The following GPR158 variants were observed in gnomAD, a reference collection of about 807,000 sequenced individuals.
The protein encoded by GPR158 is metabotropic glycine receptor.
GPR158 carries 30 observed loss-of-function variants against 78.2 expected under a neutral mutation model. That is an observed-to-expected ratio of 0.38 (90% CI 0.29 to 0.52). The LOEUF (loss-of-function observed/expected upper bound fraction) is 0.52. Ranked by LOEUF, GPR158 falls within the 20% of genes least tolerant of loss-of-function variation. The pLI, the probability that GPR158 is intolerant of heterozygous loss-of-function variation, is 0.83. For missense variants in GPR158, 1,463 were observed against 1,523.5 expected, an observed-to-expected ratio of 0.96 and a Z score of 0.66; for synonymous variants, 581 against 591.1, an observed-to-expected ratio of 0.98 and a Z score of 0.25.
At chr10:25,301,627 G>T (rs1420529655) in intron 2 of GPR158, among the ~76,000 whole-genome samples, 4 of 150,000 alleles carry the variant, frequency 2.7e-5, no homozygotes, top group Non-Finnish European at 4.4e-5. Context: ...TGGAGGGGGG[G>T]ATAAAGTTCT....
In GPR158 at chr10:25,395,922, TA is replaced by T; in HGVS notation, c.1023del (p.Gly342AlafsTer2). 1 of 1,577,600 alleles carries T rather than the reference TA, an allele frequency of 6.3e-7. No homozygotes were observed. The highest frequency in any genetic ancestry group is 8.7e-7 in the Non-Finnish European group (1 of 1,146,846). ...TTTCTTCTTCATAGTGTATGCCAAT[TA>T]AAGGCCTAGGATTCGTTCTTGGAGC... ...HLNNSECMPIKGLGFVLGAYE... is the reference protein window; with the variant it reads ...HLNNSECMPIXGLGFVLGAYE... On this transcript the variant is annotated frameshift_variant, in exon 3 of 11. Coordinates refer to ENST00000376351, the MANE Select transcript of GPR158 (RefSeq NM_020752.3). LOFTEE classifies it high-confidence loss of function.
chr10:25,394,437 C>A (rs1834341984), intron 2 of GPR158, among the ~76,000 whole-genome samples: 1 of 152,188 alleles, frequency 6.6e-6, no homozygotes. Flanking sequence ...CTTTTATTTA[C>A]ATAGTTTAGA....
intron 6 of GPR158, among the ~76,000 whole-genome samples, chr10:25,558,504 T>C (rs530023060): frequency 7.9e-5 from 12 of 152,308 alleles, no homozygotes; most frequent in Admixed American, 3.3e-4. Flanking sequence ...TCCTGCAAGC[T>C]GTTCACTGGC....
intron 8 of GPR158, among the ~76,000 whole-genome samples, chr10:25,593,079 C>T (rs1294935553): frequency 1.3e-5 from 2 of 151,814 alleles, no homozygotes; most frequent in African/African-American, 2.4e-5. Context: ...TTTAATGAAA[C>T]GTGAGCTATT....
Position 25,412,478 on chromosome 10 carries a change from AC to A in GPR158, c.1335+8del. 1 of 1,596,448 alleles carries A rather than the reference AC, an allele frequency of 6.3e-7. No homozygotes were observed. Among genetic ancestry groups the A allele is most frequent in the Non-Finnish European group, 8.6e-7 (1 of 1,164,250 alleles). ...TACCACTTTCGCAAAGCAAAGGTAAACCCAGGAACCCTGGTTATGATCCTGT... is the reference window on the plus strand; with the variant it reads ...TACCACTTTCGCAAAGCAAAGGTAAACCAGGAACCCTGGTTATGATCCTGT... On this transcript the variant is annotated splice_donor_region_variant and intron_variant, in intron 4 of 10. Coordinates refer to ENST00000376351, the MANE Select transcript of GPR158 (RefSeq NM_020752.3).
intron 6 of GPR158, among the ~76,000 whole-genome samples, chr10:25,557,395 C>T (rs1836800044): frequency 6.6e-6 from 1 of 152,200 alleles, no homozygotes; most frequent in African/African-American, 2.4e-5. Flanking sequence ...TTGCACACAG[C>T]TTATCATTAG....
intron 4 of GPR158, among the ~76,000 whole-genome samples, chr10:25,443,784 C>T (rs111997625): frequency 6.6e-5 from 10 of 151,824 alleles, no homozygotes; most frequent in African/African-American, 2.4e-4. Context: ...TGAACACCTG[C>T]TGGTGTACTT....
At chr10:25,505,333 C>T (rs1227203545) in intron 5 of GPR158, among the ~76,000 whole-genome samples, 3 of 152,212 alleles carry the variant, frequency 2.0e-5, no homozygotes, top group Non-Finnish European at 4.4e-5. Context: ...AACTCCTTAA[C>T]ATAAAGGCAG....
intron 8 of GPR158, among the ~76,000 whole-genome samples, chr10:25,593,672 C>T (rs998804130): frequency 2.0e-5 from 3 of 152,056 alleles, no homozygotes; most frequent in South Asian, 2.1e-4. Flanking sequence ...AACACAACTT[C>T]ATAAATTTCT....
chr10:25,495,295 C>CTTTTTTTTTTTTTTT lies in GPR158; in HGVS notation c.1404+28582_1404+28596dup, dbSNP rs71399976. Reference sequence around the variant, plus strand: ...TATTTTAAGCTATCATTCTTTTCTGCTTTTTTTTTTTTTTTTTTTTGAGAC... The same window carrying CTTTTTTTTTTTTTTT: ...TATTTTAAGCTATCATTCTTTTCTGCTTTTTTTTTTTTTTTTTTTTTTTTTTTTTTTTTTTGAGAC... On this transcript the variant is annotated intron_variant, in intron 5 of 10. Transcript: ENST00000376351. Among the ~76,000 whole-genome samples, 10 of 91,104 alleles carry CTTTTTTTTTTTTTTT rather than the reference C, an allele frequency of 1.1e-4. 1 individual carries two copies. Among genetic ancestry groups the CTTTTTTTTTTTTTTT allele is most frequent in the Non-Finnish European group, 1.6e-4 (8 of 50,282 alleles). 59.8% of individuals were successfully genotyped at this position (91,104 alleles called of 152,430 possible). A position where few individuals can be genotyped will look rare whatever the true frequency, so the allele number is the denominator to read the frequency against.
intron 4 of GPR158, among the ~76,000 whole-genome samples, chr10:25,413,313 A>G (rs1301029427): frequency 1.3e-5 from 2 of 152,220 alleles, no homozygotes; most frequent in Non-Finnish European, 2.9e-5. Flanking sequence ...CCTGGCTGAC[A>G]GAGTGAGACC....
intron 2 of GPR158, among the ~76,000 whole-genome samples, chr10:25,254,703 C>A (rs1271846894): frequency 1.3e-5 from 2 of 152,054 alleles, no homozygotes; most frequent in African/African-American, 2.4e-5. Flanking sequence ...TCCAGAATAT[C>A]TTGTTATTTT....
rs1199454210 is a variant in GPR158, at chr10:25,600,526, A to G, written c.*1252A>G. The G allele has an allele frequency of 6.6e-6, 1 of 152,334 alleles. No homozygotes were observed. Among genetic ancestry groups the G allele is most frequent in the Non-Finnish European group, 1.5e-5 (1 of 68,044 alleles). The allele number at this position is 152,334 out of a possible 1,614,324, so 9.4% of individuals were successfully genotyped here. On this transcript the variant is annotated 3_prime_UTR_variant, in exon 11 of 11. Transcript: ENST00000376351. ...GTAGCATCAAGATCATTGTATGGAT[A>G]TATTTTTATTATGTGTACTGAAAAT... is the stretch of plus-strand genomic sequence containing the variant.
In GPR158 at chr10:25,412,369, C is replaced by T. The variant is rs1206255984; in HGVS notation, c.1231C>T (p.Gln411Ter). Residue 411 changes from glutamine (Q) to a stop codon, truncating the protein, a stop_gained, in exon 4 of 11, where the codon CAG becomes TAG. Coordinates refer to ENST00000376351, the MANE Select transcript of GPR158 (RefSeq NM_020752.3). LOFTEE classifies it high-confidence loss of function. ...TGCTGATGACAGCCCATGCTTCGTC[C>T]AGGAAGATAAGTATTTACGACTTGC... Reference protein sequence around the residue: ...FCADDSPCFVQEDKYLRLAII... With the variant: ...FCADDSPCFV 1 of 1,613,646 alleles carries T rather than the reference C, an allele frequency of 6.2e-7. No individual in the cohort carries two copies. Among genetic ancestry groups the T allele is most frequent in the African/African-American group, 1.3e-5 (1 of 74,920 alleles).
intron 2 of GPR158, among the ~76,000 whole-genome samples, chr10:25,390,649 A>G: frequency 6.6e-6 from 1 of 152,226 alleles, no homozygotes; most frequent in South Asian, 2.1e-4. Flanking sequence ...CAAAGATATG[A>G]TTTATAATTG....
chr10:25,587,476 C>T (rs1047466366), intron 7 of GPR158, among the ~76,000 whole-genome samples: 45 of 152,102 alleles, frequency 3.0e-4, no homozygotes, highest in Non-Finnish European at 5.0e-4. Flanking sequence ...AGAAATGACT[C>T]AAAGAAAGAA....
At chr10:25,510,120 A>G (rs1381302954) in intron 5 of GPR158, among the ~76,000 whole-genome samples, 1 of 152,210 alleles carries the variant, frequency 6.6e-6, no homozygotes, top group East Asian at 1.9e-4. Context: ...TAAGCATCAC[A>G]TAGTAAGAAG....
chr10:25,198,316 G>A (rs1852870701), intron 1 of GPR158, among the ~76,000 whole-genome samples: 1 of 152,180 alleles, frequency 6.6e-6, no homozygotes, highest in Non-Finnish European at 1.5e-5. Flanking sequence ...CCAGACAGAT[G>A]GAAGACGTGA....
At chr10:25,401,479 A>G (rs984517595) in intron 3 of GPR158, among the ~76,000 whole-genome samples, 2 of 152,222 alleles carry the variant, frequency 1.3e-5, no homozygotes, top group Admixed American at 6.6e-5. Flanking sequence ...TCCAGATCTC[A>G]GATTCTTTCA....
Sources: gnomAD v4.1 joint callset for allele counts (sites outside exome capture counted in the v4.1 genomes callset) on GRCh38, gnomAD v4.1.1 for gene constraint, MANE v1.5 for transcripts, NCBI Gene and HGNC (gene_info 2026-07-23, HGNC 2026-07-21) for gene names.